ABCB11: variants seen among roughly 807,000 people sequenced by gnomAD.
ABCB11 encodes the protein bile salt export pump.
In ABCB11, 95 loss-of-function variants were observed where a neutral mutation model predicts 148.0. The observed-to-expected ratio is 0.64, with a 90% CI of 0.54 to 0.76. ABCB11 has a LOEUF of 0.76. Ranked by LOEUF, ABCB11 falls within the 30% of genes least tolerant of loss-of-function variation. ABCB11 has a pLI of 0.00. For missense variants in ABCB11, 1,523 were observed against 1,617.8 expected, an observed-to-expected ratio of 0.94 and a Z score of 1.01; for synonymous variants, 591 against 555.4, an observed-to-expected ratio of 1.06 and a Z score of -0.90.
chr2:168,968,145 AGTCCCCTTTCTAAGCTC>A (rs1693396606), intron 17 of ABCB11, among the ~76,000 whole-genome samples: 1 of 151,882 alleles, frequency 6.6e-6, no homozygotes, highest in South Asian at 2.1e-4. Context: ...TTTTAAAAGA[AGTCCCCTTTCTAAGCTC>A]AATACACAAC....
downstream of ABCB11, among the ~76,000 whole-genome samples, chr2:168,918,620 T>C (rs1690990677): frequency 6.6e-6 from 1 of 152,202 alleles, no homozygotes; most frequent in African/African-American, 2.4e-5. Flanking sequence ...GTCAACATCA[T>C]TATTTTGGCT....
Position 168,971,850 on chromosome 2 carries a change from TGGCAGGTCCATGATGAAGTTGTA to T in ABCB11, c.1612_1634del (p.Tyr538ThrfsTer4). On this transcript the variant is annotated frameshift_variant, in exon 14 of 28. Coordinates refer to ENST00000650372, the MANE Select transcript of ABCB11 (RefSeq NM_003742.4). LOFTEE classifies it high-confidence loss of function. Reference sequence around the variant, plus strand: ...AGGAATGTATGGCTAGGGGTACCTGTGGCAGGTCCATGATGAAGTTGTAGGCATTGGCCTCCTTGGCAGCTTGG... The same window carrying T: ...AGGAATGTATGGCTAGGGGTACCTGTGGCATTGGCCTCCTTGGCAGCTTGG... 1 of 1,612,426 alleles carries T rather than the reference TGGCAGGTCCATGATGAAGTTGTA, an allele frequency of 6.2e-7. No individual in the cohort carries two copies. The highest frequency in any genetic ancestry group is 8.5e-7 in the Non-Finnish European group (1 of 1,178,930).
intron 19 of ABCB11, among the ~76,000 whole-genome samples, chr2:168,945,986 T>C (rs183211663): frequency 8.3e-4 from 126 of 151,948 alleles, no homozygotes; most frequent in African/African-American, 2.8e-3. Flanking sequence ...GAGTTTTTAG[T>C]GTATAATGCT....
intron 24 of ABCB11, among the ~76,000 whole-genome samples, chr2:168,931,274 G>A (rs191650820): frequency 6.6e-6 from 1 of 152,256 alleles, no homozygotes; most frequent in African/African-American, 2.4e-5. Flanking sequence ...GTTACCTGAG[G>A]TCTGTACTGC....
chr2:169,020,973 T>A (rs1466012356), intron 1 of ABCB11, among the ~76,000 whole-genome samples: 1 of 152,066 alleles, frequency 6.6e-6, no homozygotes, highest in Non-Finnish European at 1.5e-5. Flanking sequence ...CACTTTTTTT[T>A]TTTTTCTGAG....
In ABCB11 at chr2:168,921,712, T is replaced by C. The variant is rs1263348946; in HGVS notation, c.*1910A>G. Among the ~76,000 whole-genome samples, 1 of 152,064 alleles carries C rather than the reference T, an allele frequency of 6.6e-6. No individual in the cohort carries two copies. Among genetic ancestry groups the C allele is most frequent in the Non-Finnish European group, 1.5e-5 (1 of 68,006 alleles). On this transcript the variant is annotated 3_prime_UTR_variant, in exon 28 of 28. Transcript: ENST00000650372. ...GGTGGTCCTTGGAAGTCAATTCCCA[T>C]GCAAGGAGGAGACACCAAAAAGCCT...
chr2:168,968,326 G>T, intron 17 of ABCB11, 101 bp downstream of exon 17: 2 of 1,121,190 alleles, frequency 1.8e-6, no homozygotes, highest in Non-Finnish European at 2.6e-6. Flanking sequence ...TCTACTCAGA[G>T]TTTCCTTGTT....
chr2:168,940,559 A>G (rs1692019986), intron 21 of ABCB11, among the ~76,000 whole-genome samples: 3 of 152,232 alleles, frequency 2.0e-5, no homozygotes, highest in African/African-American at 2.4e-5. Context: ...CATCTCCACA[A>G]TGTAAAAGTG....
At chr2:168,962,480 GA>G (rs1467103106) in intron 18 of ABCB11, among the ~76,000 whole-genome samples, 1 of 151,602 alleles carries the variant, frequency 6.6e-6, no homozygotes, top group Non-Finnish European at 1.5e-5. Context: ...CAGGGAATCT[GA>G]TGGTCCCCTA....
chr2:168,959,698 C>T (rs1692968673), intron 18 of ABCB11, among the ~76,000 whole-genome samples: 1 of 151,414 alleles, frequency 6.6e-6, no homozygotes, highest in South Asian at 2.1e-4. Flanking sequence ...ACCTTACTGC[C>T]CCCATCTGCC....
chr2:168,987,030 C>T (rs62171037), intron 9 of ABCB11, among the ~76,000 whole-genome samples: 6,420 of 152,218 alleles, frequency 0.042, 192 homozygotes, highest in Non-Finnish European at 0.067. Context: ...TACACTGTCT[C>T]TTTTATTGAC....
intron 1 of ABCB11, among the ~76,000 whole-genome samples, chr2:169,021,907 T>C (rs1695552344): frequency 6.6e-6 from 1 of 152,056 alleles, no homozygotes; most frequent in Admixed American, 6.5e-5. Context: ...TGTATTTCTC[T>C]ATATTGTTGT....
chr2:168,923,840 A>G lies in ABCB11; in HGVS notation c.3766-18T>C, dbSNP rs1396679813. The G allele has an allele frequency of 1.2e-6, 2 of 1,613,052 alleles. No homozygotes were observed. The highest frequency in any genetic ancestry group is 1.7e-5 in the Admixed American group (1 of 59,998). ...TGCACCGTCTGCAAAGAGAAGATGG[A>G]AAGTTGATGCAAAGATGCATGATTG... On this transcript the variant is annotated intron_variant, in intron 27 of 27. Transcript: ENST00000650372.
In ABCB11 at chr2:168,935,181, C is replaced by T. The variant is rs1691758958; in HGVS notation, c.3056+3G>A. On this transcript the variant is annotated splice_donor_region_variant and intron_variant, in intron 23 of 27. Transcript: ENST00000650372. ...TTTCTCACCTTGGCTAGATATTCCT[C>T]ACCTGAACACATAGCTGAAATGGAG... 6.8e-6 allele frequency: 11 copies of T among 1,613,850 alleles called. No individual in the cohort carries two copies. Among genetic ancestry groups the T allele is most frequent in the Non-Finnish European group, 9.3e-6 (11 of 1,179,856 alleles).
chr2:168,929,279 A>G (rs1168747853), intron 25 of ABCB11, among the ~76,000 whole-genome samples: 1 of 152,216 alleles, frequency 6.6e-6, no homozygotes, highest in Non-Finnish European at 1.5e-5. Flanking sequence ...AGGAAATATC[A>G]CAGGGAACTC....
At chr2:168,998,850 C>G (rs979570769) in intron 5 of ABCB11, among the ~76,000 whole-genome samples, 1 of 151,968 alleles carries the variant, frequency 6.6e-6, no homozygotes, top group African/African-American at 2.4e-5. Context: ...GTGGTTAACT[C>G]ATTTTTATTT....
chr2:168,953,975 G>A (rs571922117), intron 19 of ABCB11, among the ~76,000 whole-genome samples: 23 of 151,510 alleles, frequency 1.5e-4, no homozygotes, highest in Admixed American at 2.6e-4. Flanking sequence ...TTGATGTCTC[G>A]TGTCTCCCTA....
chr2:169,010,786 T>A (rs73024726), intron 5 of ABCB11, among the ~76,000 whole-genome samples: 7,657 of 152,262 alleles, frequency 0.05, 227 homozygotes, highest in African/African-American at 0.066. Context: ...AGTATTCATG[T>A]CAATGATCAC....
chr2:168,935,478 G>T, intron 22 of ABCB11, 53 bp from the exon 23 acceptor site: 2 of 1,561,454 alleles, frequency 1.3e-6, no homozygotes, highest in Non-Finnish European at 1.7e-6. Flanking sequence ...AACTCCTTTC[G>T]TGACATTTCA....
Sources: gnomAD v4.1 joint callset for allele counts (sites outside exome capture counted in the v4.1 genomes callset) on GRCh38, gnomAD v4.1.1 for gene constraint, MANE v1.5 for transcripts, NCBI Gene and HGNC (gene_info 2026-07-23, HGNC 2026-07-21) for gene names.